The following TENM2 variants were observed in gnomAD, a reference collection of about 807,000 sequenced individuals.
The protein encoded by TENM2 is teneurin-2.
A neutral mutation model predicts 245.2 loss-of-function variants in TENM2; 52 were observed. The observed-to-expected ratio is 0.21, with a 90% confidence interval of 0.17 to 0.27. TENM2 has a LOEUF of 0.27. TENM2 is among the 10% of genes least tolerant of loss of function. The pLI is 1.00. For synonymous variants in TENM2, 1,363 were observed against 1,438.9 expected (o/e 0.95, Z 1.19); for missense variants, 3,046 against 3,666.8 (o/e 0.83, Z 4.37).
the TENM2 span, among the ~76,000 whole-genome samples, chr5:167,237,742 C>T: frequency 1.6e-4 from 25 of 152,112 alleles, no homozygotes; most frequent in South Asian, 2.3e-3. Context: ...GGGCGGGGCC[C>T]GATGGCTCAC....
the TENM2 span, among the ~76,000 whole-genome samples, chr5:167,190,596 C>G: frequency 6.6e-6 from 1 of 152,012 alleles, no homozygotes; most frequent in Middle Eastern, 3.2e-3. Flanking sequence ...TCCAAGGGTA[C>G]TTTTTACTTT....
chr5:167,454,711 C>A (rs989896643), intron 2 of TENM2, among the ~76,000 whole-genome samples: 1 of 152,164 alleles, frequency 6.6e-6, no homozygotes, highest in Admixed American at 6.6e-5. Flanking sequence ...TCCAGGTTGA[C>A]CTTTCTCAGG....
chr5:168,232,946 ACTC>A (rs1246161530), intron 25 of TENM2, among the ~76,000 whole-genome samples: 3 of 151,594 alleles, frequency 2.0e-5, no homozygotes, highest in African/African-American at 7.3e-5. Flanking sequence ...CCTCCCAAGA[ACTC>A]CTCAAAGAAT....
At chr5:168,156,791 G>C (rs905288099) in intron 12 of TENM2, among the ~76,000 whole-genome samples, 1 of 151,994 alleles carries the variant, frequency 6.6e-6, no homozygotes, top group Non-Finnish European at 1.5e-5. Flanking sequence ...CAAAGGCATC[G>C]GATTCAGCCA....
intron 2 of TENM2, among the ~76,000 whole-genome samples, chr5:167,565,601 G>A (rs1773856328): frequency 1.3e-5 from 2 of 152,162 alleles, no homozygotes; most frequent in Non-Finnish European, 2.9e-5. Flanking sequence ...AGAAATGATA[G>A]GGCTATCTGC....
intron 2 of TENM2, among the ~76,000 whole-genome samples, chr5:167,506,345 A>G (rs1769547515): frequency 6.6e-6 from 1 of 152,188 alleles, no homozygotes; most frequent in Admixed American, 6.5e-5. Context: ...CAAACACTTT[A>G]AAGAATCTTC....
At chr5:168,014,997 C>T (rs1463428079) in intron 5 of TENM2, among the ~76,000 whole-genome samples, 1 of 152,096 alleles carries the variant, frequency 6.6e-6, no homozygotes, top group East Asian at 1.9e-4. Flanking sequence ...ATCTGCTTTG[C>T]AGGCATTGCT....
At chr5:167,615,496 T>C (rs1218219069) in intron 2 of TENM2, among the ~76,000 whole-genome samples, 1 of 152,184 alleles carries the variant, frequency 6.6e-6, no homozygotes, top group Non-Finnish European at 1.5e-5. Context: ...TTGTATTTTT[T>C]ACCTCTGCAA....
chr5:167,805,717 G>A (rs1484406443), intron 2 of TENM2, among the ~76,000 whole-genome samples: 2 of 151,988 alleles, frequency 1.3e-5, no homozygotes, highest in African/African-American at 2.4e-5. Flanking sequence ...TTGAAGTTTT[G>A]TGTTCTAAAA....
intron 2 of TENM2, among the ~76,000 whole-genome samples, chr5:167,853,237 C>A (rs1337329442): frequency 2.2e-4 from 29 of 129,324 alleles, no homozygotes; most frequent in African/African-American, 8.5e-4. Context: ...TTGCAGTGAG[C>A]CGAGATCGCC....
chr5:167,464,779 G>A (rs1390439069), intron 2 of TENM2, among the ~76,000 whole-genome samples: 2 of 152,068 alleles, frequency 1.3e-5, no homozygotes, highest in Non-Finnish European at 1.5e-5. Context: ...GGAAATAATT[G>A]GATATTGTTT....
intron 1 of TENM2, among the ~76,000 whole-genome samples, chr5:167,311,666 C>T (rs966408620): frequency 1.5e-4 from 23 of 152,088 alleles, no homozygotes; most frequent in African/African-American, 5.6e-4. Flanking sequence ...TCACTCATTT[C>T]TTCAGAATAC....
chr5:167,804,875 A>C (rs1010329588), intron 2 of TENM2, among the ~76,000 whole-genome samples: 2 of 152,184 alleles, frequency 1.3e-5, no homozygotes, highest in Non-Finnish European at 2.9e-5. Context: ...GCTACCCCAA[A>C]ATGGCAGGAA....
intron 1 of TENM2, among the ~76,000 whole-genome samples, chr5:167,318,491 C>T (rs1408215554): frequency 6.6e-6 from 1 of 151,418 alleles, no homozygotes; most frequent in Non-Finnish European, 1.5e-5. Context: ...GAGATAAGTG[C>T]ACATTATAAC....
chr5:167,729,843 G>A (rs1415287646), intron 2 of TENM2, among the ~76,000 whole-genome samples: 4 of 152,152 alleles, frequency 2.6e-5, no homozygotes, highest in Non-Finnish European at 5.9e-5. Context: ...GGCAATAAAT[G>A]GCCACATGCA....
rs780330054 is a variant in TENM2 at position 168,199,046 on chromosome 5, A to T, written c.3094A>T (p.Ile1032Phe). 3.0e-5 allele frequency: 49 copies of T among 1,613,838 alleles called. 2 individuals are homozygous for T. In the South Asian group the frequency reaches 4.8e-4, roughly 16 times the overall value. ...CTTTGTCCGGCCTGATCCAATCATCATCTCCTCCCCACTGTCCACCTTCTT... is the reference window on the plus strand; with the variant it reads ...CTTTGTCCGGCCTGATCCAATCATCTTCTCCTCCCCACTGTCCACCTTCTT... Residue 1032 changes from isoleucine to phenylalanine, a missense_variant, in exon 16 of 29, where the codon ATC becomes TTC. Transcript: ENST00000518659.
At chr5:167,282,274 A>G (rs550420741), upstream of TENM2, among the ~76,000 whole-genome samples, 1 of 152,142 alleles carries the variant, frequency 6.6e-6, no homozygotes, top group African/African-American at 2.4e-5. Context: ...GTGGCTCCTC[A>G]GTGTTGGTAC....
chr5:168,011,351 T>C (rs1785208182), intron 5 of TENM2, among the ~76,000 whole-genome samples: 1 of 152,156 alleles, frequency 6.6e-6, no homozygotes, highest in African/African-American at 2.4e-5. Context: ...TATTTGGCAG[T>C]GTCTGGAGAT....
At chr5:167,980,713 G>A (rs1782770902) in intron 4 of TENM2, among the ~76,000 whole-genome samples, 2 of 152,192 alleles carry the variant, frequency 1.3e-5, no homozygotes, top group African/African-American at 4.8e-5. Context: ...GGGTGTAATG[G>A]GTAAAGTGGA....
Sources: gnomAD v4.1 joint callset for allele counts (sites outside exome capture counted in the v4.1 genomes callset) on GRCh38, gnomAD v4.1.1 for gene constraint, MANE v1.5 for transcripts, NCBI Gene and HGNC (gene_info 2026-07-23, HGNC 2026-07-21) for gene names.